The following LRRC56 variants were observed in gnomAD, a reference collection of about 807,000 sequenced individuals.
LRRC56 encodes leucine rich repeat containing 56, also known as leucine-rich repeat-containing protein 56.
Under a neutral mutation model 47.8 loss-of-function variants are expected in LRRC56, and 41 were observed. The ratio of observed to expected loss-of-function variants is 0.86; its 90% CI spans 0.67 to 1.11. The LOEUF (loss-of-function observed/expected upper bound fraction) is 1.11. Among genes scored for constraint, LRRC56 ranks in the 50% most tolerant of loss-of-function variants. The probability of loss-of-function intolerance (pLI) is 0.00; values close to 1 mark genes in which losing one functional copy is unlikely to be tolerated. For synonymous variants in LRRC56, 387 were observed against 311.2 expected, an observed-to-expected ratio of 1.24 and a Z score of -2.56; for missense variants, 759 against 704.2, an observed-to-expected ratio of 1.08 and a Z score of -0.88.
At chr11:527,593 G>A in the LRRC56 span, among the ~76,000 whole-genome samples, 7 of 151,976 alleles carry the variant, frequency 4.6e-5, no homozygotes, top group African/African-American at 1.2e-4. Context: ...GTGCAGTGGC[G>A]CTATCTTGGC....
At chr11:510,797 T>A in the LRRC56 span, among the ~76,000 whole-genome samples, 1 of 150,994 alleles carries the variant, frequency 6.6e-6, no homozygotes, top group African/African-American at 2.4e-5. Context: ...TAATCCCAGC[T>A]ACTTGGGAGG....
At chr11:510,776 G>A in the LRRC56 span, among the ~76,000 whole-genome samples, 51 of 152,002 alleles carry the variant, frequency 3.4e-4, no homozygotes, top group Admixed American at 2.6e-4. Flanking sequence ...GGGCGTGGTG[G>A]CCTGCACCTG....
At chr11:531,219 G>A in the LRRC56 span, among the ~76,000 whole-genome samples, 5 of 152,108 alleles carry the variant, frequency 3.3e-5, no homozygotes, top group South Asian at 2.1e-4. Context: ...GGTATTCCCT[G>A]GACAAAAGGG....
chr11:538,087 G>A (rs1851610157), intron 1 of LRRC56, among the ~76,000 whole-genome samples: 1 of 152,188 alleles, frequency 6.6e-6, no homozygotes, highest in Non-Finnish European at 1.5e-5. Context: ...GCCGTGAAGT[G>A]TGTGGATGGG....
At chr11:546,833 A>G (rs1378601432) in intron 6 of LRRC56, among the ~76,000 whole-genome samples, 3 of 152,140 alleles carry the variant, frequency 2.0e-5, no homozygotes, top group Non-Finnish European at 4.4e-5. Flanking sequence ...CAGGCGGATC[A>G]CGAGGTCAGG....
chr11:532,419 G>A, the LRRC56 span: 1 of 669,750 alleles, frequency 1.5e-6, no homozygotes, highest in South Asian at 1.9e-5. Flanking sequence ...GGGGTGACTG[G>A]GCTCCAGCAG....
chr11:552,798 G>A (rs1489635788), intron 13 of LRRC56, 96 bp downstream of exon 13: 4 of 1,057,964 alleles, frequency 3.8e-6, no homozygotes, highest in Non-Finnish European at 5.4e-6. Flanking sequence ...GTGTCAACCT[G>A]GCCCTGCTTC....
At chr11:534,660 G>A (rs1227703450), upstream of LRRC56, 1 of 413,612 alleles carries the variant, frequency 2.4e-6, no homozygotes, top group Admixed American at 3.9e-5. Context: ...CAAATTAGAA[G>A]CTGCTGGGTC....
At position 551,987 on chromosome 11, in the gene LRRC56, GC is replaced by G; in HGVS notation, c.1038+26del. On this transcript the variant is annotated intron_variant, in intron 11 of 13. Transcript: ENST00000270115. ...TGCCAGGTACAGCCCACAGGGACCA[GC>G]CCCCCACGAGAACCAGTGTCCAGGG... 7 of 1,612,192 alleles carry G rather than the reference GC, an allele frequency of 4.3e-6. No homozygotes were observed. The highest frequency in any genetic ancestry group is 5.9e-6 in the Non-Finnish European group (7 of 1,179,576).
the LRRC56 span, among the ~76,000 whole-genome samples, chr11:520,391 G>A: frequency 1.2e-4 from 19 of 152,094 alleles, no homozygotes; most frequent in Non-Finnish European, 2.2e-4. Context: ...TGCGATCTCG[G>A]CTCTCTGCAA....
At chr11:534,559 G>T, upstream of LRRC56, 2 of 588,350 alleles carry the variant, frequency 3.4e-6, no homozygotes, top group Admixed American at 6.0e-5. Context: ...CTGTCGCCTC[G>T]CCCCCACTTG....
At position 551,951 on chromosome 11, in the gene LRRC56, G is replaced by A. The variant is rs755070839; in HGVS notation, c.1022G>A (p.Arg341His). 36 of 1,612,588 alleles carry A rather than the reference G, an allele frequency of 2.2e-5. No homozygotes were observed. Among genetic ancestry groups the A allele is most frequent in the African/African-American group, 1.1e-4 (8 of 74,918 alleles). The change falls in exon 11 of 14, where the codon CGT becomes CAT. Residue 341 changes from arginine to histidine, a missense_variant. Arg to His is a conservative substitution (Grantham distance 29). Coordinates refer to ENST00000270115, the MANE Select transcript of LRRC56 (RefSeq NM_198075.4). Reference sequence around the variant, plus strand: ...AACCCCACCAAGGGCCTGCGGGAGCGTAGGCACCAGTGCCAGGTACAGCCC... The same window carrying A: ...AACCCCACCAAGGGCCTGCGGGAGCATAGGCACCAGTGCCAGGTACAGCCC... Reference protein sequence around the residue: ...CGNPTKGLRERRHQCQAREPP... With the variant: ...CGNPTKGLREHRHQCQAREPP...
the LRRC56 span, among the ~76,000 whole-genome samples, chr11:513,222 C>A: frequency 6.6e-6 from 1 of 152,252 alleles, no homozygotes; most frequent in African/African-American, 2.4e-5. Flanking sequence ...GTGGCGCAAT[C>A]TCGGCTCACT....
the LRRC56 span, among the ~76,000 whole-genome samples, chr11:517,059 G>A: frequency 1.3e-5 from 2 of 152,198 alleles, no homozygotes; most frequent in African/African-American, 2.4e-5. Context: ...CCTGTTGACC[G>A]GGCTGGTCTC....
intron 5 of LRRC56, among the ~76,000 whole-genome samples, chr11:543,965 G>A (rs1281182407): frequency 6.6e-6 from 1 of 152,004 alleles, no homozygotes; most frequent in Non-Finnish European, 1.5e-5. Context: ...AACCAGGATG[G>A]TCTCGATCTA....
intron 6 of LRRC56, among the ~76,000 whole-genome samples, chr11:547,356 T>TG (rs1236297593): frequency 2.0e-5 from 3 of 151,632 alleles, no homozygotes; most frequent in East Asian, 1.9e-4. Context: ...TATTATTTTG[T>TG]GTTTTTTTTT....
chr11:533,821 G>A (rs193163027), upstream of LRRC56: 4 of 1,613,272 alleles, frequency 2.5e-6, no homozygotes, highest in Admixed American at 1.7e-5. Context: ...AACACACACA[G>A]GAAGCCCTCC....
the LRRC56 span, among the ~76,000 whole-genome samples, chr11:515,155 G>A: frequency 6.6e-6 from 1 of 152,178 alleles, no homozygotes; most frequent in African/African-American, 2.4e-5. Flanking sequence ...GCACATGTGG[G>A]GAGGGTCAGG....
chr11:539,298 G>A (rs1851669646), intron 2 of LRRC56, among the ~76,000 whole-genome samples: 1 of 151,342 alleles, frequency 6.6e-6, no homozygotes, highest in Non-Finnish European at 1.5e-5. Flanking sequence ...CGTTAGCCAG[G>A]ATGGTCTTGA....
Sources: gnomAD v4.1 joint callset for allele counts (sites outside exome capture counted in the v4.1 genomes callset) on GRCh38, gnomAD v4.1.1 for gene constraint, MANE v1.5 for transcripts, NCBI Gene and HGNC (gene_info 2026-07-23, HGNC 2026-07-21) for gene names.